RB1: variants seen among roughly 807,000 people sequenced by gnomAD.
RB1 encodes the protein RB transcriptional corepressor 1.
RB1 carries 18 observed loss-of-function variants against 135.4 expected under a neutral mutation model. That is an observed-to-expected ratio of 0.13 (90% CI 0.09 to 0.20). The LOEUF (loss-of-function observed/expected upper bound fraction) is 0.20. RB1 is among the 10% of genes least tolerant of loss of function. The pLI, the probability that RB1 is intolerant of heterozygous loss-of-function variation, is 1.00. For synonymous variants in RB1, 365 were observed against 373.2 expected (o/e 0.98, Z 0.25); for missense variants, 868 against 1,110.0 (o/e 0.78, Z 3.10).
intron 3 of RB1, 76 bp from the exon 4 acceptor site, chr13:48,345,001 AAAT>A: frequency 4.8e-6 from 7 of 1,473,416 alleles, no homozygotes; most frequent in African/African-American, 4.2e-5. Flanking sequence ...TTTTGAATTG[AAAT>A]ATCTATGATT....
At chr13:48,436,972 T>TA (rs1323210327) in intron 17 of RB1, among the ~76,000 whole-genome samples, 2 of 152,248 alleles carry the variant, frequency 1.3e-5, no homozygotes, top group African/African-American at 4.8e-5. Flanking sequence ...CTTACTTTGA[T>TA]AATCAGAATC....
At chr13:48,352,250 T>A (rs1952554817) in intron 6 of RB1, among the ~76,000 whole-genome samples, 1 of 152,228 alleles carries the variant, frequency 6.6e-6, no homozygotes, top group Admixed American at 6.5e-5. Context: ...TTTTGGTTAC[T>A]GTAGCCCTGT....
intron 18 of RB1, among the ~76,000 whole-genome samples, chr13:48,455,195 AAAT>A (rs1258308073): frequency 6.6e-6 from 1 of 152,216 alleles, no homozygotes; most frequent in Non-Finnish European, 1.5e-5. Flanking sequence ...GAGAAATTAA[AAAT>A]AACCCTAGGT....
intron 2 of RB1, among the ~76,000 whole-genome samples, chr13:48,321,615 G>A (rs187689655): frequency 2.0e-4 from 30 of 152,008 alleles, no homozygotes; most frequent in African/African-American, 6.0e-4. Flanking sequence ...TAGCACTTTC[G>A]GAAGCCAAGG....
At chr13:48,417,097 A>T (rs1446369525) in intron 17 of RB1, 1 of 152,354 alleles carries the variant, frequency 6.6e-6, no homozygotes, top group African/African-American at 2.4e-5. Context: ...CTGCCTCCTC[A>T]AGTGGGTCTC....
At chr13:48,414,283 G>T (rs1490072091) in intron 17 of RB1, among the ~76,000 whole-genome samples, 4 of 151,166 alleles carry the variant, frequency 2.6e-5, no homozygotes, top group Non-Finnish European at 5.9e-5. Flanking sequence ...GGAGGCAGAT[G>T]TTGCAGTGAA....
rs759188465 is a variant in RB1 at position 48,473,387 on chromosome 13, C to T, written c.2517C>T (p.Phe839=). ...SRILVSIGES[F]GTSEKFQKIN... is the part of the protein sequence containing the mutation. ...TCTTAGTATCAATTGGTGAATCATT[C>T]GGGGTGAGTATTTTCTTTCTATGAA... Residue 839 remains phenylalanine (F), a synonymous_variant, in exon 24 of 27, where the codon TTC becomes TTT. Transcript: ENST00000267163. 7.0e-6 allele frequency: 11 copies of T among 1,562,154 alleles called. No homozygotes were observed. The highest frequency in any genetic ancestry group is 1.7e-5 in the Admixed American group (1 of 59,828).
chr13:48,368,714 A>C (rs1475883879), intron 11 of RB1, 110 bp downstream of exon 11: 1 of 1,444,720 alleles, frequency 6.9e-7, no homozygotes, highest in East Asian at 2.7e-5. Context: ...TGTAAGAAAT[A>C]TATATTGAAG....
intron 8 of RB1, 23 bp from the exon 9 acceptor site, chr13:48,364,871 T>G (rs1231786696): frequency 1.9e-6 from 3 of 1,546,956 alleles, no homozygotes; most frequent in Non-Finnish European, 2.6e-6. Flanking sequence ...TTAATGATCA[T>G]GTTGTAACTT....
intron 17 of RB1, among the ~76,000 whole-genome samples, chr13:48,409,576 T>A (rs1356265552): frequency 8.5e-6 from 1 of 117,484 alleles, no homozygotes; most frequent in Non-Finnish European, 1.7e-5. Context: ...CTTGATTTTT[T>A]TTTTTTTTTT....
rs1952212876 is a variant in RB1, at chr13:48,319,172, C to T, written c.264+11766C>T. 4.8e-6 allele frequency: 3 copies of T among 620,700 alleles called. No homozygotes were observed. Among genetic ancestry groups the T allele is most frequent in the Non-Finnish European group, 8.4e-6 (3 of 356,364 alleles). 38.4% of individuals were successfully genotyped at this position (620,700 alleles called of 1,614,324 possible). On this transcript the variant is annotated intron_variant, in intron 2 of 26. Transcript: ENST00000267163. The surrounding 1 kb of genome is among the most constrained non-coding windows in gnomAD (Gnocchi z 5.0). ...GTGGGGAATGGTCAGCGTCTAGGCA[C>T]CCCGGGCAAGGGTCTGTGGCCTTGG...
At chr13:48,465,989 CT>C (rs1196853689) in intron 23 of RB1, among the ~76,000 whole-genome samples, 1 of 142,840 alleles carries the variant, frequency 7.0e-6, no homozygotes, top group East Asian at 2.2e-4. Context: ...GGAGGGGCGC[CT>C]GCCATTGCCC....
chr13:48,473,109 A>G (rs1949482393), intron 23 of RB1, among the ~76,000 whole-genome samples: 1 of 152,190 alleles, frequency 6.6e-6, no homozygotes, highest in African/African-American at 2.4e-5. Flanking sequence ...CTCCCTAAAT[A>G]TGGGCAATGG....
chr13:48,309,700 G>A (rs1952115146), intron 2 of RB1, among the ~76,000 whole-genome samples: 1 of 152,142 alleles, frequency 6.6e-6, no homozygotes, highest in Admixed American at 6.5e-5. Context: ...ACATACTGTA[G>A]TTTTCAATTT....
At chr13:48,412,044 A>ACTTCTTTT in intron 17 of RB1, 2 of 1,613,488 alleles carry the variant, frequency 1.2e-6, no homozygotes, top group Non-Finnish European at 1.7e-6. Context: ...TTTGGTTCTT[A>ACTTCTTTT]GAGTCTTTGA....
chr13:48,324,430 TA>T (rs111963527), intron 2 of RB1, among the ~76,000 whole-genome samples: 96,517 of 141,570 alleles, frequency 0.68, 31,547 homozygotes, highest in Middle Eastern at 0.73. Context: ...ATGAGTTCAA[TA>T]TTTTTTTTTT....
At chr13:48,411,768 CT>C (rs1190865490) in intron 17 of RB1, 12 of 1,611,186 alleles carry the variant, frequency 7.4e-6, no homozygotes, top group Non-Finnish European at 1.0e-5. Flanking sequence ...TATTTTGCTT[CT>C]ACTTAATGTA....
intron 18 of RB1, among the ~76,000 whole-genome samples, chr13:48,455,017 C>T (rs760987500): frequency 1.3e-5 from 2 of 152,016 alleles, no homozygotes; most frequent in Non-Finnish European, 2.9e-5. Context: ...AGGCAAAAAG[C>T]GAGGAAACCA....
intron 10 of RB1, 47 bp downstream of exon 10, chr13:48,367,650 A>T: frequency 6.3e-7 from 1 of 1,577,710 alleles, no homozygotes; most frequent in East Asian, 2.3e-5. Context: ...ATATAGGTTG[A>T]TACTGATATA....
Sources: allele counts gnomAD v4.1 joint callset (sites outside exome capture counted in the v4.1 genomes callset), GRCh38; gene constraint gnomAD v4.1.1; non-coding constraint Gnocchi (gnomAD v3.1); transcripts MANE v1.5; gene names NCBI Gene and HGNC (gene_info 2026-07-23, HGNC 2026-07-21).